The following RPS6KA2 variants were observed in gnomAD, a reference collection of about 807,000 sequenced individuals.
The protein encoded by RPS6KA2 is ribosomal protein S6 kinase alpha-2.
A neutral mutation model predicts 91.8 loss-of-function variants in RPS6KA2; 42 were observed. That is an observed-to-expected ratio of 0.46 (90% CI 0.36 to 0.59). The LOEUF (loss-of-function observed/expected upper bound fraction) is 0.59. Among genes scored for constraint, RPS6KA2 ranks in the 20% least tolerant of loss-of-function variants. The probability of loss-of-function intolerance (pLI) is 0.00; values close to 1 mark genes in which losing one functional copy is unlikely to be tolerated. For synonymous variants in RPS6KA2, 414 were observed against 393.6 expected (o/e 1.05, Z -0.61); for missense variants, 798 against 978.5 (o/e 0.82, Z 2.46).
At chr6:166,549,351 T>G (rs971170088) in intron 1 of RPS6KA2, among the ~76,000 whole-genome samples, 22 of 152,216 alleles carry the variant, frequency 1.4e-4, no homozygotes, top group African/African-American at 5.3e-4. Context: ...CAAAAACCTG[T>G]ACTCAAATGT....
At chr6:166,594,619 T>C (rs776639137) in intron 1 of RPS6KA2, among the ~76,000 whole-genome samples, 16 of 152,150 alleles carry the variant, frequency 1.1e-4, no homozygotes, top group Non-Finnish European at 1.6e-4. Flanking sequence ...CCTGCCACGA[T>C]GCCCAGCTAA....
At chr6:166,491,932 C>G (rs901340709) in intron 8 of RPS6KA2, among the ~76,000 whole-genome samples, 7 of 152,088 alleles carry the variant, frequency 4.6e-5, no homozygotes, top group Non-Finnish European at 8.8e-5. Flanking sequence ...TGTAATATCA[C>G]TTAACAAACA....
chr6:166,797,568 T>C (rs1200803071), intron 2 of RPS6KA2, among the ~76,000 whole-genome samples: 2 of 152,118 alleles, frequency 1.3e-5, no homozygotes, highest in Admixed American at 6.5e-5. Context: ...AAGAAAGTTA[T>C]AAGGAAGAGA....
chr6:166,811,919 TC>T (rs1250498222), intron 2 of RPS6KA2, among the ~76,000 whole-genome samples: 1 of 152,236 alleles, frequency 6.6e-6, no homozygotes, highest in Non-Finnish European at 1.5e-5. Flanking sequence ...TCCAGAGCCA[TC>T]CGAGGATATT....
chr6:166,803,330 A>G (rs964163776), intron 2 of RPS6KA2, among the ~76,000 whole-genome samples: 1 of 152,242 alleles, frequency 6.6e-6, no homozygotes, highest in African/African-American at 2.4e-5. Context: ...TGTTACCCAT[A>G]GTTCCTAAAC....
At chr6:166,670,074 G>C (rs1562374120) in intron 2 of RPS6KA2, among the ~76,000 whole-genome samples, 1 of 152,276 alleles carries the variant, frequency 6.6e-6, no homozygotes, top group Non-Finnish European at 1.5e-5. Flanking sequence ...GAGCCTCACA[G>C]AGGTGCAAAT....
intron 5 of RPS6KA2, among the ~76,000 whole-genome samples, chr6:166,505,765 G>A (rs955594931): frequency 1.1e-4 from 16 of 152,320 alleles, no homozygotes; most frequent in South Asian, 2.1e-4. Context: ...CCGAGTCCCC[G>A]TCCTCCATTC....
At position 166,557,224 on chromosome 6, in the gene RPS6KA2, G is replaced by C. The variant is rs992202326; in HGVS notation, c.100-18440C>G. Among the ~76,000 whole-genome samples, 3 of 152,262 alleles carry C rather than the reference G, an allele frequency of 2.0e-5. No homozygotes were observed. On this transcript the variant is annotated intron_variant, in intron 1 of 20. Transcript: ENST00000265678. The surrounding 1 kb of genome is among the most constrained non-coding windows in gnomAD (Gnocchi z 4.8). The stretch of plus-strand genomic sequence containing the variant: ...CCCACCCAGCCAACAGGCAGAGGCA[G>C]CTGCAGCCTGAGTGCGCAGAGGGTA...
intron 10 of RPS6KA2, among the ~76,000 whole-genome samples, chr6:166,473,679 T>A (rs1332180419): frequency 6.6e-6 from 1 of 152,330 alleles, no homozygotes; most frequent in South Asian, 2.1e-4. Context: ...GGTTAATTCA[T>A]GGTTTGGGAC....
At chr6:166,854,000 A>T (rs1780820655) in intron 2 of RPS6KA2, among the ~76,000 whole-genome samples, 2 of 152,358 alleles carry the variant, frequency 1.3e-5, no homozygotes, top group Middle Eastern at 3.4e-3. Context: ...AGCCCCTTCA[A>T]GTAATCTCTT....
intron 2 of RPS6KA2, among the ~76,000 whole-genome samples, chr6:166,682,994 C>T (rs954349414): frequency 3.3e-5 from 5 of 152,154 alleles, no homozygotes; most frequent in Non-Finnish European, 5.9e-5. Flanking sequence ...AGAAATGCAA[C>T]GAGAAACTAG....
At position 166,710,565 on chromosome 6, in the gene RPS6KA2, T is replaced by C. The variant is rs147057325; in HGVS notation, c.123+147635A>G. On this transcript the variant is annotated intron_variant, in intron 2 of 21. Transcript: ENST00000503859. ...TGTGTTTGCATTGTGTGTCTGTGTGTGTGTCTATGCCATCAAATACTATCT... is the reference window on the plus strand; with the variant it reads ...TGTGTTTGCATTGTGTGTCTGTGTGCGTGTCTATGCCATCAAATACTATCT... 3.1e-4 allele frequency among the ~76,000 whole-genome samples: 47 copies of C among 152,176 alleles called. No individual in the cohort carries two copies. The East Asian group carries it at 8.1e-3, about 26-fold the overall frequency.
Position 166,418,256 on chromosome 6 carries a change from C to G in RPS6KA2, c.1907G>C (p.Gly636Ala). 1 of 1,613,274 alleles carries G rather than the reference C, an allele frequency of 6.2e-7. No individual in the cohort carries two copies. The highest frequency in any genetic ancestry group is 8.5e-7 in the Non-Finnish European group (1 of 1,179,316). Residue 636 changes from glycine (G) to alanine (A), a missense_variant, in exon 19 of 21, where the codon GGA (glycine) becomes GCA (alanine). By Grantham distance (60) the Gly-to-Ala change is moderately conservative. Transcript: ENST00000265678. This position sits in a 1 kb window ranked among gnomAD's most constrained non-coding sequence, Gnocchi z 4.9. The stretch of plus-strand genomic sequence containing the variant: ...TGCGTCAGATATCGAGTCCCAGTTT[C>G]CCCCAGAAAGGGCATACTTCCCACT... The part of the protein sequence containing the change: ...IGSGKYALSG[G>A]NWDSISDAAK...
At chr6:166,827,256 CAAAAAAAAAAAAAAAAAAAAA>C (rs56296433) in intron 2 of RPS6KA2, among the ~76,000 whole-genome samples, 4 of 94,498 alleles carry the variant, frequency 4.2e-5, no homozygotes, top group African/African-American at 1.3e-4. Flanking sequence ...CAACCTTATA[CAAAAAAAAAAAAAAAAAAAAA>C]AAAAAAAAAA....
intron 2 of RPS6KA2, among the ~76,000 whole-genome samples, chr6:166,660,300 T>TTGTGTGTGTGCA (rs1554244337): frequency 2.7e-5 from 4 of 150,278 alleles, no homozygotes; most frequent in African/African-American, 9.9e-5. Context: ...CTGTATCTCA[T>TTGTGTGTGTGCA]TGTGTGTGTG....
At chr6:166,486,519 C>T (rs1001773887) in intron 10 of RPS6KA2, among the ~76,000 whole-genome samples, 2 of 152,242 alleles carry the variant, frequency 1.3e-5, no homozygotes, top group African/African-American at 4.8e-5. Flanking sequence ...GTGACAGTTC[C>T]CCAGCCTCTC....
intron 11 of RPS6KA2, among the ~76,000 whole-genome samples, chr6:166,464,117 C>T (rs536502825): frequency 1.3e-5 from 2 of 152,328 alleles, no homozygotes; most frequent in South Asian, 4.1e-4. Context: ...CAGCCTACAG[C>T]TCCCACACCC....
chr6:166,462,250 C>T (rs1780341166), intron 11 of RPS6KA2, among the ~76,000 whole-genome samples: 1 of 152,244 alleles, frequency 6.6e-6, no homozygotes, highest in Admixed American at 6.5e-5. Context: ...CCCTTCCCCT[C>T]CCCATGGAAC....
intron 11 of RPS6KA2, among the ~76,000 whole-genome samples, chr6:166,467,063 C>A (rs1362565726): frequency 6.6e-6 from 1 of 151,868 alleles, no homozygotes; most frequent in Non-Finnish European, 1.5e-5. Flanking sequence ...CATTGACTCA[C>A]TGACTCATTC....
Sources: allele counts gnomAD v4.1 joint callset (sites outside exome capture counted in the v4.1 genomes callset), GRCh38; gene constraint gnomAD v4.1.1; non-coding constraint Gnocchi (gnomAD v3.1); transcripts MANE v1.5; gene names NCBI Gene and HGNC (gene_info 2026-07-23, HGNC 2026-07-21).